The following CKS2 variants were observed in gnomAD, a reference collection of about 807,000 sequenced individuals.
The protein encoded by CKS2 is cyclin-dependent kinases regulatory subunit 2.
In CKS2, 4 loss-of-function variants were observed where a neutral mutation model predicts 14.3. The ratio of observed to expected loss-of-function variants is 0.28; its 90% CI spans 0.14 to 0.64. The LOEUF (loss-of-function observed/expected upper bound fraction) is 0.64. Ranked by LOEUF, CKS2 falls within the 30% of genes least tolerant of loss-of-function variation. The pLI is 0.83. For missense variants in CKS2, 71 were observed against 94.3 expected (o/e 0.75, Z 1.02); for synonymous variants, 33 against 28.7 (o/e 1.15, Z -0.48).
intron 1 of CKS2, among the ~76,000 whole-genome samples, chr9:89,314,663 A>G (rs1284717017): frequency 6.6e-6 from 1 of 152,230 alleles, no homozygotes; most frequent in South Asian, 2.1e-4. Context: ...ACAGCTTTAC[A>G]GTCAAGGACT....
intron 1 of CKS2, among the ~76,000 whole-genome samples, chr9:89,313,666 A>C (rs1396790968): frequency 6.6e-6 from 1 of 152,228 alleles, no homozygotes; most frequent in Non-Finnish European, 1.5e-5. Context: ...ACTTGTTGGT[A>C]GATTTATGTA....
intron 1 of CKS2, among the ~76,000 whole-genome samples, chr9:89,313,845 G>GA (rs1824661696): frequency 6.6e-6 from 1 of 152,228 alleles, no homozygotes; most frequent in African/African-American, 2.4e-5. Context: ...TCACTATATA[G>GA]TTCACTGGAA....
At chr9:89,316,148 T>C (rs1227579393) in intron 2 of CKS2, among the ~76,000 whole-genome samples, 1 of 152,144 alleles carries the variant, frequency 6.6e-6, no homozygotes, top group South Asian at 2.1e-4. Context: ...TGAGATCCTG[T>C]AGGTGATTTG....
intron 1 of CKS2, among the ~76,000 whole-genome samples, chr9:89,314,675 G>A (rs1824676440): frequency 6.6e-6 from 1 of 152,176 alleles, no homozygotes. Context: ...TCAAGGACTA[G>A]GCTGGGTCCT....
At chr9:89,311,413 AC>A in intron 1 of CKS2, 62 bp downstream of exon 1, 1 of 1,289,668 alleles carries the variant, frequency 7.8e-7, no homozygotes, top group Non-Finnish European at 1.1e-6. Flanking sequence ...GGGCGGGGCG[AC>A]CCAGGCATAG....
chr9:89,314,736 A>G (rs3211682), intron 1 of CKS2, among the ~76,000 whole-genome samples: 432 of 152,322 alleles, frequency 2.8e-3, no homozygotes, highest in Non-Finnish European at 5.2e-3. Context: ...CTATGGTCCT[A>G]GATTCCTGCT....
chr9:89,311,728 A>C (rs1824613303), intron 1 of CKS2, among the ~76,000 whole-genome samples: 1 of 152,260 alleles, frequency 6.6e-6, no homozygotes, highest in Non-Finnish European at 1.5e-5. Context: ...TAGGCCGTTC[A>C]GTAGCTGGTC....
intron 1 of CKS2, among the ~76,000 whole-genome samples, chr9:89,311,625 G>A (rs1391136658): frequency 6.6e-6 from 1 of 152,242 alleles, no homozygotes; most frequent in Non-Finnish European, 1.5e-5. Flanking sequence ...TTTAGTACCT[G>A]GGTAGGAACC....
intron 1 of CKS2, among the ~76,000 whole-genome samples, chr9:89,312,629 A>G (rs1295109082): frequency 6.6e-6 from 1 of 152,100 alleles, no homozygotes; most frequent in Non-Finnish European, 1.5e-5. Flanking sequence ...TAGTAATTGC[A>G]CCCTTTTGTA....
At chr9:89,311,761 G>C (rs1824614039) in intron 1 of CKS2, among the ~76,000 whole-genome samples, 1 of 152,212 alleles carries the variant, frequency 6.6e-6, no homozygotes, top group South Asian at 2.1e-4. Context: ...CTTTGAACCA[G>C]TCCAGGAAAA....
intron 1 of CKS2, among the ~76,000 whole-genome samples, chr9:89,313,467 AT>A (rs1358786752): frequency 6.6e-6 from 1 of 152,254 alleles, no homozygotes; most frequent in Non-Finnish European, 1.5e-5. Flanking sequence ...TTCAACTGAA[AT>A]AAACGTTAGA....
intron 1 of CKS2, 89 bp from the exon 2 acceptor site, chr9:89,315,081 T>C (rs1824682889): frequency 8.6e-7 from 1 of 1,168,614 alleles, no homozygotes; most frequent in Non-Finnish European, 1.2e-6. Flanking sequence ...GTTCTCAATA[T>C]TAAAGCAACA....
intron 2 of CKS2, among the ~76,000 whole-genome samples, chr9:89,315,637 G>C (rs181758678): frequency 3.3e-5 from 5 of 151,802 alleles, no homozygotes; most frequent in Non-Finnish European, 7.4e-5. Context: ...TCTTATCTAT[G>C]TGTGGAAATT....
Position 89,311,370 on chromosome 9 carries a change from C to G in CKS2, c.59+19C>G, listed in dbSNP as rs200458872. ...AGTACCGGTGGGCGCCTTTCTTAGA[C>G]CCCGAGCCGGCTCCCTCAGCCGGGG... On this transcript the variant is annotated intron_variant, in intron 1 of 2. Transcript: ENST00000314355. 7 of 1,593,284 alleles carry G rather than the reference C, an allele frequency of 4.4e-6. No individual in the cohort carries two copies. The African/African-American group carries it at 6.8e-5, about 16-fold the overall frequency.
intron 1 of CKS2, chr9:89,312,196 A>T (rs2131462090): frequency 6.5e-6 from 1 of 154,884 alleles, no homozygotes; most frequent in Admixed American, 6.5e-5. Flanking sequence ...GTACTAGAAC[A>T]TGGTGGCTGT....
chr9:89,313,513 T>G (rs1212647599), intron 1 of CKS2, among the ~76,000 whole-genome samples: 1 of 152,242 alleles, frequency 6.6e-6, no homozygotes, highest in Non-Finnish European at 1.5e-5. Context: ...GTAGTTAGTT[T>G]GAAATCTCTG....
chr9:89,311,383 C>G (rs1271285626), intron 1 of CKS2, 32 bp downstream of exon 1: 41 of 1,580,826 alleles, frequency 2.6e-5, no homozygotes, highest in Non-Finnish European at 3.3e-5. Flanking sequence ...CGAGCCGGCT[C>G]CCTCAGCCGG....
In CKS2 at chr9:89,311,279, A is replaced by G. The variant is rs551117215; in HGVS notation, c.-14A>G. 2.4e-5 allele frequency: 39 copies of G among 1,609,252 alleles called. No homozygotes were observed. The African/African-American group carries it at 4.4e-4, about 18-fold the overall frequency. ...TTCGCGCTCTCGTTTCATTTTCTGCAGCGCGCCAGCAGGATGGCCCACAAG... is the reference window on the plus strand; with the variant it reads ...TTCGCGCTCTCGTTTCATTTTCTGCGGCGCGCCAGCAGGATGGCCCACAAG... On this transcript the variant is annotated 5_prime_UTR_variant, in exon 1 of 3. Transcript: ENST00000314355.
chr9:89,315,083 A>T, intron 1 of CKS2, 87 bp from the exon 2 acceptor site: 1 of 1,179,086 alleles, frequency 8.5e-7, no homozygotes, highest in Non-Finnish European at 1.2e-6. Context: ...TCTCAATATT[A>T]AAGCAACAGA....
Sources: gnomAD v4.1 joint callset for allele counts (sites outside exome capture counted in the v4.1 genomes callset) on GRCh38, gnomAD v4.1.1 for gene constraint, MANE v1.5 for transcripts, NCBI Gene and HGNC (gene_info 2026-07-23, HGNC 2026-07-21) for gene names.